TMEM117: variants seen among roughly 807,000 people sequenced by gnomAD.
TMEM117 encodes transmembrane protein 117.
In TMEM117, 27 loss-of-function variants were observed where a neutral mutation model predicts 52.4. That is an observed-to-expected ratio of 0.51 (90% confidence interval 0.38 to 0.71). TMEM117 has a LOEUF of 0.71. Ranked by LOEUF, TMEM117 falls within the 30% of genes least tolerant of loss-of-function variation. The pLI is 0.00. For missense variants in TMEM117, 556 were observed against 630.5 expected (o/e 0.88, Z 1.26); for synonymous variants, 215 against 206.3 (o/e 1.04, Z -0.36).
intron 5 of TMEM117, among the ~76,000 whole-genome samples, chr12:44,212,209 GTGCTGTTC>G (rs1949655204): frequency 1.3e-5 from 2 of 152,122 alleles, no homozygotes; most frequent in Non-Finnish European, 2.9e-5. Flanking sequence ...TTTAAATTGT[GTGCTGTTC>G]TGAGTAGTGT....
At chr12:44,114,885 T>TG (rs1329017518) in intron 3 of TMEM117, among the ~76,000 whole-genome samples, 7 of 152,312 alleles carry the variant, frequency 4.6e-5, no homozygotes, top group Admixed American at 3.9e-4. Flanking sequence ...GACATTCTAG[T>TG]TTGGTGTTTT....
intron 2 of TMEM117, among the ~76,000 whole-genome samples, chr12:43,872,725 C>T (rs1318920872): frequency 2.0e-5 from 3 of 152,304 alleles, no homozygotes; most frequent in Middle Eastern, 6.8e-3. Flanking sequence ...TGTGCTTTCC[C>T]ACTCTACCAT....
intron 6 of TMEM117, among the ~76,000 whole-genome samples, chr12:44,338,578 A>G (rs937546885): frequency 4.6e-5 from 7 of 152,042 alleles, no homozygotes; most frequent in African/African-American, 1.7e-4. Flanking sequence ...TGCTATTACA[A>G]TGGAAATTAA....
At chr12:43,803,070 G>GT in the TMEM117 span, among the ~76,000 whole-genome samples, 1 of 152,074 alleles carries the variant, frequency 6.6e-6, no homozygotes, top group Non-Finnish European at 1.5e-5. Context: ...GCACTATACA[G>GT]TAACAGTGAA....
intron 3 of TMEM117, among the ~76,000 whole-genome samples, chr12:44,028,057 G>T (rs368830135): frequency 2.4e-4 from 37 of 152,286 alleles, no homozygotes; most frequent in African/African-American, 8.7e-4. Context: ...GCTGGGCATG[G>T]TGATGGGCAC....
At chr12:44,144,307 G>T (rs1948611818) in intron 4 of TMEM117, among the ~76,000 whole-genome samples, 1 of 152,118 alleles carries the variant, frequency 6.6e-6, no homozygotes, top group Non-Finnish European at 1.5e-5. Flanking sequence ...AGAAGGCTCT[G>T]GGTTCTATAA....
intron 4 of TMEM117, among the ~76,000 whole-genome samples, chr12:44,185,869 T>TACACACACACACACACAC (rs3065433): frequency 3.0e-5 from 4 of 135,024 alleles, no homozygotes; most frequent in Non-Finnish European, 4.9e-5. Context: ...CTAAAAGACA[T>TACACACACACACACACAC]ACACACACAC....
intron 3 of TMEM117, among the ~76,000 whole-genome samples, chr12:44,058,040 C>G (rs1274401921): frequency 6.6e-6 from 1 of 152,074 alleles, no homozygotes; most frequent in Non-Finnish European, 1.5e-5. Flanking sequence ...TTTTTAAATT[C>G]CAGCTATGTT....
intron 3 of TMEM117, among the ~76,000 whole-genome samples, chr12:43,948,249 C>T (rs139087260): frequency 5.3e-5 from 8 of 152,218 alleles, no homozygotes; most frequent in African/African-American, 9.6e-5. Flanking sequence ...TCAAATTTGA[C>T]TCTCTTTCTG....
intron 3 of TMEM117, among the ~76,000 whole-genome samples, chr12:44,120,185 C>T (rs1345321351): frequency 2.0e-5 from 3 of 151,958 alleles, no homozygotes; most frequent in Non-Finnish European, 4.4e-5. Flanking sequence ...GATGATTTAG[C>T]TAAGTTGACA....
At chr12:44,023,484 C>T (rs1179308923) in intron 3 of TMEM117, among the ~76,000 whole-genome samples, 2 of 152,004 alleles carry the variant, frequency 1.3e-5, no homozygotes, top group South Asian at 4.2e-4. Context: ...TCTCCAGCAC[C>T]TGTTGTTTCC....
At chr12:44,156,206 A>G (rs1315633911) in intron 4 of TMEM117, among the ~76,000 whole-genome samples, 2 of 152,134 alleles carry the variant, frequency 1.3e-5, no homozygotes, top group Admixed American at 6.6e-5. Flanking sequence ...AGAGACCTCA[A>G]GTTCATGCTG....
At chr12:44,115,021 A>AT (rs1449205230) in intron 3 of TMEM117, among the ~76,000 whole-genome samples, 19 of 152,202 alleles carry the variant, frequency 1.2e-4, no homozygotes, top group Non-Finnish European at 2.8e-4. Flanking sequence ...ATCATATATA[A>AT]TTTTTTATCT....
rs945257464 is a variant in TMEM117 at position 44,002,202 on chromosome 12, G to C, written c.410+57860G>C. Among the ~76,000 whole-genome samples the C allele has an allele frequency of 3.9e-5, 6 of 152,212 alleles. No individual in the cohort carries two copies. In the South Asian group the frequency reaches 1.2e-3, roughly 32 times the overall value. On this transcript the variant is annotated intron_variant, in intron 3 of 7. Coordinates refer to ENST00000266534, the MANE Select transcript of TMEM117 (RefSeq NM_032256.3). ...AACACCTGCACGAGGCTTCAACATAGAGAATGCCACCAAAATAAGGTTTTT... is the reference window on the plus strand; with the variant it reads ...AACACCTGCACGAGGCTTCAACATACAGAATGCCACCAAAATAAGGTTTTT...
At chr12:44,384,158 G>C (rs867447834) in intron 7 of TMEM117, among the ~76,000 whole-genome samples, 2 of 152,120 alleles carry the variant, frequency 1.3e-5, no homozygotes, top group African/African-American at 4.8e-5. Flanking sequence ...GACACAGTGT[G>C]TGGGAAAAAT....
chr12:43,798,637 T>C, the TMEM117 span: 31 of 1,105,906 alleles, frequency 2.8e-5, no homozygotes, highest in Admixed American at 1.6e-4. Flanking sequence ...AAAAAAAAAA[T>C]CACATAAAAA....
At chr12:44,022,660 C>G (rs842194) in intron 3 of TMEM117, among the ~76,000 whole-genome samples, 48,836 of 152,014 alleles carry the variant, frequency 0.32, 12,261 homozygotes, top group African/African-American at 0.71. Context: ...AAAAAGCCAT[C>G]AAGTCTTTAG....
At chr12:44,035,387 G>T (rs1012972070) in intron 3 of TMEM117, among the ~76,000 whole-genome samples, 7 of 152,174 alleles carry the variant, frequency 4.6e-5, no homozygotes, top group African/African-American at 1.7e-4. Context: ...GAGTGTTACT[G>T]TATGCGCAAT....
the TMEM117 span, among the ~76,000 whole-genome samples, chr12:43,819,650 G>A: frequency 6.6e-6 from 1 of 152,162 alleles, no homozygotes; most frequent in African/African-American, 2.4e-5. Context: ...GCGCGCGCCT[G>A]TAGTCCCCGC....
Sources: allele counts gnomAD v4.1 joint callset (sites outside exome capture counted in the v4.1 genomes callset), GRCh38; gene constraint gnomAD v4.1.1; transcripts MANE v1.5; gene names NCBI Gene and HGNC (gene_info 2026-07-23, HGNC 2026-07-21).